ARHGEF1: variants seen among roughly 807,000 people sequenced by gnomAD.
ARHGEF1 encodes 115 kDa guanine nucleotide exchange factor.
Under a neutral mutation model 119.7 loss-of-function variants are expected in ARHGEF1, and 40 were observed. The ratio of observed to expected loss-of-function variants is 0.33; its 90% CI spans 0.26 to 0.44. The LOEUF is 0.44. ARHGEF1 is among the 20% of genes least tolerant of loss of function. The pLI is 1.00. For synonymous variants in ARHGEF1, 494 were observed against 521.0 expected (o/e 0.95, Z 0.71); for missense variants, 976 against 1,268.3 (o/e 0.77, Z 3.50).
chr19:41,898,722 C>T, intron 14 of ARHGEF1, 135 bp downstream of exon 14: 2 of 1,181,990 alleles, frequency 1.7e-6, no homozygotes, highest in South Asian at 1.6e-5. Context: ...TTCAAATTCC[C>T]TCTTGTTCCA....
upstream of ARHGEF1, among the ~76,000 whole-genome samples, chr19:41,919,614 C>T (rs1279895522): frequency 2.6e-5 from 4 of 152,184 alleles, no homozygotes; most frequent in East Asian, 1.9e-4. Context: ...ACCAACACAG[C>T]GCCACACAAA....
At chr19:41,908,146 C>G, downstream of ARHGEF1, 1 of 1,124,414 alleles carries the variant, frequency 8.9e-7, no homozygotes, top group Non-Finnish European at 1.1e-6. The surrounding 1 kb of genome is among the most constrained non-coding windows in gnomAD (Gnocchi z 6.7). Context: ...AGGGCTGGTC[C>G]TGGGCCTTGG....
chr19:41,894,645 C>G lies in ARHGEF1; in HGVS notation c.861C>G (p.Leu287=). 6.2e-7 allele frequency: 1 copy of G among 1,614,060 alleles called. No homozygotes were observed. Among genetic ancestry groups the G allele is most frequent in the South Asian group, 1.1e-5 (1 of 91,088 alleles). ...GEPQVPDFRH[L]KAEVDAEKPG... Reference sequence around the variant, plus strand: ...TTTCAGTTCCAGATTTTCGACACCTCAAAGCAGAGGTTGATGGTAATGTAC... The same window carrying G: ...TTTCAGTTCCAGATTTTCGACACCTGAAAGCAGAGGTTGATGGTAATGTAC... Residue 287 remains leucine (L), a synonymous_variant, in exon 11 of 29, where the codon CTC becomes CTG. Coordinates refer to ENST00000354532, the MANE Select transcript of ARHGEF1 (RefSeq NM_004706.4).
chr19:41,891,432 C>T (rs1320537794), intron 4 of ARHGEF1, among the ~76,000 whole-genome samples: 1 of 152,102 alleles, frequency 6.6e-6, no homozygotes, highest in African/African-American at 2.4e-5. Flanking sequence ...CACAGGTGCC[C>T]ACCACCACAC....
intron 4 of ARHGEF1, among the ~76,000 whole-genome samples, chr19:41,891,492 C>T (rs2074375624): frequency 6.6e-6 from 1 of 152,152 alleles, no homozygotes. Context: ...CCATGTTGGC[C>T]TGGCCGGTCA....
chr19:41,908,217 C>T (rs1599669750), downstream of ARHGEF1: 10 of 1,231,728 alleles, frequency 8.1e-6, no homozygotes, highest in East Asian at 3.2e-4. The surrounding 1 kb of genome is among the most constrained non-coding windows in gnomAD (Gnocchi z 6.7). Context: ...AATCCATTGC[C>T]CCCTGCCGGC....
chr19:41,902,490 C>T lies in ARHGEF1; in HGVS notation c.1498-43C>T, dbSNP rs1555849242. 3.1e-6 allele frequency: 5 copies of T among 1,613,282 alleles called. No homozygotes were observed. The highest frequency in any genetic ancestry group is 4.2e-6 in the Non-Finnish European group (5 of 1,179,882). ...GTCGTACTTTAGTCCCTGTTCTTGC[C>T]CATCCCCACTGAGACACCTGCCTGG... On this transcript the variant is annotated intron_variant, in intron 16 of 28. Transcript: ENST00000354532. This position sits in a 1 kb window ranked among gnomAD's most constrained non-coding sequence, Gnocchi z 6.5.
chr19:41,909,752 C>G, downstream of ARHGEF1: 1 of 1,227,106 alleles, frequency 8.1e-7, no homozygotes, highest in South Asian at 1.5e-5. This position sits in a 1 kb window ranked among gnomAD's most constrained non-coding sequence, Gnocchi z 5.2. Context: ...CACGCACAGC[C>G]CTGTGCCTTG....
intron 1 of ARHGEF1, among the ~76,000 whole-genome samples, chr19:41,925,540 G>C (rs2074866534): frequency 6.6e-6 from 1 of 152,116 alleles, no homozygotes; most frequent in African/African-American, 2.4e-5. Context: ...CAAGGGACCG[G>C]GAAACTCTGA....
At position 41,903,811 on chromosome 19, in the gene ARHGEF1, C is replaced by T. The variant is rs782751590; in HGVS notation, c.1917+27C>T. 1.1e-5 allele frequency: 18 copies of T among 1,608,084 alleles called. No individual in the cohort carries two copies. Among genetic ancestry groups the T allele is most frequent in the African/African-American group, 8.0e-5 (6 of 74,714 alleles). ...TGTGACCATACCCTCCTGCCTCCCC[C>T]GCCCCCCTACTCCTTGGCCCAGGGG... is the stretch of plus-strand genomic sequence containing the variant. On this transcript the variant is annotated intron_variant, in intron 20 of 28. Transcript: ENST00000354532. This position sits in a 1 kb window ranked among gnomAD's most constrained non-coding sequence, Gnocchi z 4.2.
intron 1 of ARHGEF1, among the ~76,000 whole-genome samples, chr19:41,885,193 G>A (rs1431604398): frequency 6.6e-6 from 1 of 151,878 alleles, no homozygotes; most frequent in Admixed American, 6.6e-5. Flanking sequence ...TAATTCTCCA[G>A]CCTTTGTGGG....
chr19:41,893,319 G>A lies in ARHGEF1; in HGVS notation c.644+16G>A. 1 of 1,600,488 alleles carries A rather than the reference G, an allele frequency of 6.2e-7. No individual in the cohort carries two copies. Among genetic ancestry groups the A allele is most frequent in the Non-Finnish European group, 8.5e-7 (1 of 1,173,600 alleles). On this transcript the variant is annotated intron_variant, in intron 8 of 28. Coordinates refer to ENST00000354532, the MANE Select transcript of ARHGEF1 (RefSeq NM_004706.4). Reference sequence around the variant, plus strand: ...AAGAAAAGAGGTGAGGGGGGCAGGGGAGGCGTGCGGCCTCCTGGGTTTGAG... The same window carrying A: ...AAGAAAAGAGGTGAGGGGGGCAGGGAAGGCGTGCGGCCTCCTGGGTTTGAG...
upstream of ARHGEF1, among the ~76,000 whole-genome samples, chr19:41,922,307 G>C (rs959404235): frequency 1.3e-5 from 2 of 152,178 alleles, no homozygotes; most frequent in African/African-American, 2.4e-5. Flanking sequence ...GGGAGACAGA[G>C]ATAGCAGATC....
At chr19:41,908,687 C>G (rs1269323029), downstream of ARHGEF1, 2 of 1,228,572 alleles carry the variant, frequency 1.6e-6, no homozygotes, top group South Asian at 8.3e-5. This position sits in a 1 kb window ranked among gnomAD's most constrained non-coding sequence, Gnocchi z 6.7. Flanking sequence ...CTGGGGGGCA[C>G]AGGGGTAGGT....
At chr19:41,901,159 T>C (rs2074598789) in intron 14 of ARHGEF1, among the ~76,000 whole-genome samples, 1 of 151,634 alleles carries the variant, frequency 6.6e-6, no homozygotes. Flanking sequence ...TTGTTTTGTT[T>C]TGTTTTTTTG....
chr19:41,907,269 A>G lies in ARHGEF1; in HGVS notation c.*182A>G, dbSNP rs1200855802. 1 of 1,526,248 alleles carries G rather than the reference A, an allele frequency of 6.6e-7. No individual in the cohort carries two copies. The highest frequency in any genetic ancestry group is 2.0e-5 in the Admixed American group (1 of 49,934). 94.5% of individuals were successfully genotyped at this position (1,526,248 alleles called of 1,614,324 possible). On this transcript the variant is annotated 3_prime_UTR_variant, in exon 29 of 29. Coordinates refer to ENST00000354532, the MANE Select transcript of ARHGEF1 (RefSeq NM_004706.4). ...TACTGGCCCCGCATGAGCCTCGGCCATCTCTCCCTCCTGCCCTCTGCTTGG... is the reference window on the plus strand; with the variant it reads ...TACTGGCCCCGCATGAGCCTCGGCCGTCTCTCCCTCCTGCCCTCTGCTTGG...
At chr19:41,898,695 G>A in intron 14 of ARHGEF1, 108 bp downstream of exon 14, 1 of 1,396,054 alleles carries the variant, frequency 7.2e-7, no homozygotes, top group Non-Finnish European at 9.5e-7. Context: ...TTACCATCGG[G>A]AGAACTTGAA....
chr19:41,888,554 T>C lies in ARHGEF1; in HGVS notation c.112-198T>C, dbSNP rs561691436. Among the ~76,000 whole-genome samples, 1 of 152,268 alleles carries C rather than the reference T, an allele frequency of 6.6e-6. No individual in the cohort carries two copies. The highest frequency in any genetic ancestry group is 1.9e-4 in the East Asian group (1 of 5,180). On this transcript the variant is annotated intron_variant, in intron 3 of 28. Coordinates refer to ENST00000354532, the MANE Select transcript of ARHGEF1 (RefSeq NM_004706.4). The surrounding 1 kb of genome is among the most constrained non-coding windows in gnomAD (Gnocchi z 5.1). Reference sequence around the variant, plus strand: ...AATTTCTGTCCTCATCATCCACCATTATAATATTAAGTCTCATCCATTCTC... The same window carrying C: ...AATTTCTGTCCTCATCATCCACCATCATAATATTAAGTCTCATCCATTCTC...
intron 18 of ARHGEF1, among the ~76,000 whole-genome samples, chr19:41,915,237 CCG>C (rs1555851865): frequency 6.7e-6 from 1 of 148,834 alleles, no homozygotes; most frequent in African/African-American, 2.5e-5. Flanking sequence ...TAACGAGGAG[CCG>C]TGGGATCGGC....
Sources: allele counts gnomAD v4.1 joint callset (sites outside exome capture counted in the v4.1 genomes callset), GRCh38; gene constraint gnomAD v4.1.1; non-coding constraint Gnocchi (gnomAD v3.1); transcripts MANE v1.5; gene names NCBI Gene and HGNC (gene_info 2026-07-23, HGNC 2026-07-21).